SPAG16: variants seen among roughly 807,000 people sequenced by gnomAD.
The protein encoded by SPAG16 is sperm-associated antigen 16 protein.
Under a neutral mutation model 80.4 loss-of-function variants are expected in SPAG16, and 86 were observed. The observed-to-expected ratio is 1.07, with a 90% CI of 0.90 to 1.28. SPAG16 has a LOEUF of 1.28. Among genes scored for constraint, SPAG16 ranks in the 50% most tolerant of loss-of-function variants. SPAG16 has a pLI of 0.00. For synonymous variants in SPAG16, 294 were observed against 265.9 expected (o/e 1.11, Z -1.03); for missense variants, 870 against 765.3 (o/e 1.14, Z -1.61).
intron 15 of SPAG16, among the ~76,000 whole-genome samples, chr2:214,221,744 A>G (rs970526423): frequency 1.3e-5 from 2 of 152,210 alleles, no homozygotes; most frequent in African/African-American, 4.8e-5. Context: ...AGGAATGCTA[A>G]AGAAAGAAAA....
At chr2:213,487,341 A>G (rs2074028029) in intron 9 of SPAG16, among the ~76,000 whole-genome samples, 1 of 152,064 alleles carries the variant, frequency 6.6e-6, no homozygotes, top group East Asian at 1.9e-4. Context: ...TATCTTGTCA[A>G]TACAAAAAAA....
At chr2:214,052,120 CAT>C (rs1177565687) in intron 13 of SPAG16, among the ~76,000 whole-genome samples, 1 of 152,118 alleles carries the variant, frequency 6.6e-6, no homozygotes, top group Non-Finnish European at 1.5e-5. Context: ...ATTATTATGA[CAT>C]CATTTTTATT....
chr2:214,182,529 T>C (rs1036221614), intron 15 of SPAG16, among the ~76,000 whole-genome samples: 8 of 151,938 alleles, frequency 5.3e-5, no homozygotes, highest in Non-Finnish European at 1.2e-4. Flanking sequence ...CTTAGGTAAA[T>C]GTATTTTATA....
chr2:213,802,896 T>G (rs2071508627), intron 10 of SPAG16, among the ~76,000 whole-genome samples: 1 of 151,944 alleles, frequency 6.6e-6, no homozygotes, highest in South Asian at 2.1e-4. Context: ...AATATAGAAA[T>G]TATCAGGGGC....
intron 15 of SPAG16, among the ~76,000 whole-genome samples, chr2:214,404,311 A>G (rs1375602873): frequency 6.6e-6 from 1 of 152,198 alleles, no homozygotes; most frequent in East Asian, 1.9e-4. Context: ...CCACACGTGC[A>G]TTTTCCTACC....
At chr2:214,114,787 T>TTC (rs2053851671) in intron 14 of SPAG16, among the ~76,000 whole-genome samples, 1 of 152,198 alleles carries the variant, frequency 6.6e-6, no homozygotes, top group South Asian at 2.1e-4. Flanking sequence ...CTCTACCTGC[T>TTC]TCGGGTGGCC....
intron 11 of SPAG16, among the ~76,000 whole-genome samples, chr2:213,876,639 T>C (rs993622827): frequency 5.9e-5 from 9 of 152,142 alleles, no homozygotes; most frequent in East Asian, 1.9e-4. Context: ...TAAGAAAGTA[T>C]TGGATTGATT....
intron 15 of SPAG16, among the ~76,000 whole-genome samples, chr2:214,321,792 T>C (rs1422725176): frequency 6.6e-6 from 1 of 152,166 alleles, no homozygotes; most frequent in Non-Finnish European, 1.5e-5. Flanking sequence ...TTGTAAATAA[T>C]AAAATATTGA....
intron 12 of SPAG16, among the ~76,000 whole-genome samples, chr2:213,979,365 C>T (rs1293777283): frequency 6.6e-6 from 1 of 151,988 alleles, no homozygotes; most frequent in Non-Finnish European, 1.5e-5. Flanking sequence ...AAACCTAACC[C>T]ACCTGTATTG....
chr2:213,608,179 CTAT>C (rs1183600648), intron 10 of SPAG16, among the ~76,000 whole-genome samples: 1 of 151,830 alleles, frequency 6.6e-6, no homozygotes, highest in African/African-American at 2.4e-5. Context: ...ATTTTTTATT[CTAT>C]TATTATTATA....
intron 9 of SPAG16, 117 bp downstream of exon 9, chr2:213,375,236 G>A (rs2066829224): frequency 1.1e-5 from 8 of 736,342 alleles, no homozygotes; most frequent in Admixed American, 3.2e-5. Flanking sequence ...TATATATTCC[G>A]GGCTGCTTGG....
At chr2:214,271,883 C>G (rs1039116260) in intron 15 of SPAG16, among the ~76,000 whole-genome samples, 2 of 144,704 alleles carry the variant, frequency 1.4e-5, no homozygotes, top group Non-Finnish European at 3.0e-5. Flanking sequence ...GGAAGAATAG[C>G]AGGAGTCTGT....
chr2:214,363,148 A>G (rs1699284657), intron 15 of SPAG16, among the ~76,000 whole-genome samples: 1 of 151,858 alleles, frequency 6.6e-6, no homozygotes, highest in South Asian at 2.1e-4. Context: ...TTCCCCATCA[A>G]TAATTCTTCT....
chr2:214,075,229 A>G (rs906961707), intron 13 of SPAG16, among the ~76,000 whole-genome samples: 1 of 151,924 alleles, frequency 6.6e-6, no homozygotes, highest in Non-Finnish European at 1.5e-5. Context: ...TGATAATTGA[A>G]AGTGTTTCTA....
intron 10 of SPAG16, among the ~76,000 whole-genome samples, chr2:213,538,456 C>G (rs1559233516): frequency 6.6e-6 from 1 of 152,084 alleles, no homozygotes; most frequent in Non-Finnish European, 1.5e-5. Context: ...CTAAGGATAA[C>G]TTTCTCTGTA....
intron 6 of SPAG16, among the ~76,000 whole-genome samples, chr2:213,344,718 T>C (rs1190549500): frequency 6.6e-6 from 1 of 152,152 alleles, no homozygotes; most frequent in African/African-American, 2.4e-5. Flanking sequence ...CTCATCATTT[T>C]TTATGGCTGC....
intron 15 of SPAG16, among the ~76,000 whole-genome samples, chr2:214,225,820 AACTG>A (rs994531454): frequency 2.0e-5 from 3 of 152,144 alleles, no homozygotes; most frequent in African/African-American, 7.2e-5. Flanking sequence ...TAATCATTTA[AACTG>A]ACTGTGTTAT....
At chr2:213,930,965 T>G (rs979908233) in intron 12 of SPAG16, among the ~76,000 whole-genome samples, 8 of 152,200 alleles carry the variant, frequency 5.3e-5, no homozygotes, top group Non-Finnish European at 1.0e-4. Context: ...CTCGGAGGAC[T>G]GAGGTTCCGT....
intron 10 of SPAG16, among the ~76,000 whole-genome samples, chr2:213,567,166 T>TAATCACCTCAGA: frequency 3.1e-5 from 1 of 32,680 alleles, no homozygotes; most frequent in Admixed American, 3.3e-4. Flanking sequence ...ACACAGATTC[T>TAATCACCTCAGA]TTTTTTTTTT....
Sources: gnomAD v4.1 joint callset for allele counts (sites outside exome capture counted in the v4.1 genomes callset) on GRCh38, gnomAD v4.1.1 for gene constraint, MANE v1.5 for transcripts, NCBI Gene and HGNC (gene_info 2026-07-23, HGNC 2026-07-21) for gene names.